The following NRXN1 variants were observed in gnomAD, a reference collection of about 807,000 sequenced individuals.
NRXN1 encodes neurexin-1.
NRXN1 carries 39 observed loss-of-function variants against 150.9 expected under a neutral mutation model. That is an observed-to-expected ratio of 0.26 (90% confidence interval 0.20 to 0.34). The LOEUF (loss-of-function observed/expected upper bound fraction) is 0.34, where lower values mean the gene tolerates loss of function less well. Ranked by LOEUF, NRXN1 falls within the 10% of genes least tolerant of loss-of-function variation. The pLI is 1.00. For missense variants in NRXN1, 1,815 were observed against 1,949.9 expected, an observed-to-expected ratio of 0.93 and a Z score of 1.30; for synonymous variants, 924 against 757.0, an observed-to-expected ratio of 1.22 and a Z score of -3.62.
chr2:50,753,122 T>C (rs1356262737), intron 5 of NRXN1, among the ~76,000 whole-genome samples: 1 of 151,934 alleles, frequency 6.6e-6, no homozygotes, highest in Non-Finnish European at 1.5e-5. Flanking sequence ...GCTTAATGAG[T>C]TTACAGGTTT....
At chr2:50,034,590 C>T (rs553702400) in intron 21 of NRXN1, among the ~76,000 whole-genome samples, 1 of 151,940 alleles carries the variant, frequency 6.6e-6, no homozygotes, top group Non-Finnish European at 1.5e-5. Context: ...AACCAACCCC[C>T]ATGACACAAG....
intron 18 of NRXN1, among the ~76,000 whole-genome samples, chr2:50,188,915 T>A (rs2152819815): frequency 6.6e-6 from 1 of 152,000 alleles, no homozygotes; most frequent in East Asian, 1.9e-4. Context: ...TTAAACTGTT[T>A]TTGGGAGTGT....
intron 15 of NRXN1, among the ~76,000 whole-genome samples, chr2:50,475,796 T>C (rs867668969): frequency 3.0e-4 from 46 of 151,986 alleles, no homozygotes; most frequent in African/African-American, 9.7e-4. Flanking sequence ...GAAACTCCTT[T>C]AGTGGTCTGA....
intron 17 of NRXN1, among the ~76,000 whole-genome samples, chr2:50,338,457 A>T (rs1376336531): frequency 6.6e-6 from 1 of 152,168 alleles, no homozygotes; most frequent in Non-Finnish European, 1.5e-5. Flanking sequence ...CTCTACGTAC[A>T]TCCTCTAGGC....
At chr2:50,158,306 A>G (rs2059151143) in intron 18 of NRXN1, among the ~76,000 whole-genome samples, 1 of 151,648 alleles carries the variant, frequency 6.6e-6, no homozygotes, top group Non-Finnish European at 1.5e-5. Flanking sequence ...AATATTCTCC[A>G]GCTTCAATCC....
At chr2:49,950,272 T>C (rs1369077486) in intron 21 of NRXN1, among the ~76,000 whole-genome samples, 2 of 151,956 alleles carry the variant, frequency 1.3e-5, no homozygotes, top group East Asian at 1.9e-4. Context: ...AAGAGGAATT[T>C]AGAGGCTGTC....
chr2:50,959,080 T>C (rs1034149130), intron 2 of NRXN1, among the ~76,000 whole-genome samples: 1 of 152,126 alleles, frequency 6.6e-6, no homozygotes, highest in Non-Finnish European at 1.5e-5. Flanking sequence ...GATGTCAGTA[T>C]AATTTTTAAA....
intron 5 of NRXN1, among the ~76,000 whole-genome samples, chr2:50,810,858 T>A (rs925073746): frequency 6.6e-6 from 1 of 151,970 alleles, no homozygotes; most frequent in African/African-American, 2.4e-5. Flanking sequence ...TGCACACCTG[T>A]AGTCCCAGCT....
chr2:50,610,676 T>TATA (rs1207220079), intron 8 of NRXN1, among the ~76,000 whole-genome samples: 1 of 130,370 alleles, frequency 7.7e-6, no homozygotes, highest in African/African-American at 2.9e-5. Flanking sequence ...TATATATATA[T>TATA]ATCTGTACAA....
At chr2:50,192,487 C>G (rs969896667) in intron 18 of NRXN1, among the ~76,000 whole-genome samples, 2 of 151,674 alleles carry the variant, frequency 1.3e-5, no homozygotes, top group East Asian at 3.9e-4. Flanking sequence ...GGATATATTC[C>G]TTAGATGTTA....
At chr2:50,972,833 A>C (rs1695226117) in intron 2 of NRXN1, among the ~76,000 whole-genome samples, 1 of 152,178 alleles carries the variant, frequency 6.6e-6, no homozygotes, top group Admixed American at 6.6e-5. Context: ...AGCGGCTGTA[A>C]ATACCTGGTT....
chr2:50,448,398 G>C (rs1435690711), intron 17 of NRXN1, among the ~76,000 whole-genome samples: 1 of 152,028 alleles, frequency 6.6e-6, no homozygotes, highest in Non-Finnish European at 1.5e-5. Flanking sequence ...GCTACAAGTA[G>C]AAAAGCAGGA....
chr2:50,931,559 A>C (rs1391960255), intron 2 of NRXN1, among the ~76,000 whole-genome samples: 1 of 152,054 alleles, frequency 6.6e-6, no homozygotes, highest in East Asian at 1.9e-4. Flanking sequence ...TTATATTGTT[A>C]TCTTCACTTC....
At chr2:50,057,965 G>C (rs1381485396) in intron 19 of NRXN1, among the ~76,000 whole-genome samples, 1 of 152,054 alleles carries the variant, frequency 6.6e-6, no homozygotes, top group South Asian at 2.1e-4. Flanking sequence ...TATTAGTAGG[G>C]AAAGGTTGGG....
At chr2:50,488,412 A>C (rs1362798826) in intron 15 of NRXN1, among the ~76,000 whole-genome samples, 1 of 152,184 alleles carries the variant, frequency 6.6e-6, no homozygotes, top group Non-Finnish European at 1.5e-5. Context: ...TGAGAAGGCC[A>C]AGTTTACCAA....
intron 5 of NRXN1, among the ~76,000 whole-genome samples, chr2:50,682,076 T>C (rs975030906): frequency 7.2e-5 from 11 of 152,258 alleles, no homozygotes; most frequent in African/African-American, 2.4e-4. Flanking sequence ...CTGTTGGCCA[T>C]TAAAGACAAG....
Position 50,366,120 on chromosome 2 carries a change from G to A in NRXN1, c.3364+99322C>T, listed in dbSNP as rs529229360. Among the ~76,000 whole-genome samples, 250 of 145,630 alleles carry A rather than the reference G, an allele frequency of 1.7e-3. 3 individuals carry two copies. The highest frequency in any genetic ancestry group is 2.7e-3 in the Non-Finnish European group (178 of 66,640). On this transcript the variant is annotated intron_variant, in intron 17 of 22. Transcript: ENST00000401669. ...AGAATAGGTTAGTTGGGTAAATAAAGTTTGAATCCACTGGGTTTTCTCGGC... is the reference window on the plus strand; with the variant it reads ...AGAATAGGTTAGTTGGGTAAATAAAATTTGAATCCACTGGGTTTTCTCGGC...
chr2:49,971,714 T>A (rs1327347245), intron 21 of NRXN1, among the ~76,000 whole-genome samples: 1 of 152,162 alleles, frequency 6.6e-6, no homozygotes, highest in Non-Finnish European at 1.5e-5. Flanking sequence ...CTTAGTGAAT[T>A]TTTTTCCATT....
At chr2:50,212,454 G>T (rs988432040) in intron 18 of NRXN1, among the ~76,000 whole-genome samples, 2 of 151,342 alleles carry the variant, frequency 1.3e-5, no homozygotes, top group African/African-American at 2.4e-5. Flanking sequence ...TAAGAGCATC[G>T]ATTTGAGTCT....
Sources: allele counts gnomAD v4.1 joint callset (sites outside exome capture counted in the v4.1 genomes callset), GRCh38; gene constraint gnomAD v4.1.1; transcripts MANE v1.5; gene names NCBI Gene and HGNC (gene_info 2026-07-23, HGNC 2026-07-21).